Variants in AIG1 observed in about 807,000 individuals in gnomAD.
AIG1 encodes androgen induced 1.
In AIG1, 23 loss-of-function variants were observed where a neutral mutation model predicts 31.4. That is an observed-to-expected ratio of 0.73 (90% CI 0.53 to 1.04). The LOEUF (loss-of-function observed/expected upper bound fraction) is 1.04, where lower values mean the gene tolerates loss of function less well. Ranked by LOEUF, AIG1 falls within the 50% of genes least tolerant of loss-of-function variation. The probability of loss-of-function intolerance (pLI) is 0.00; values close to 1 mark genes in which losing one functional copy is unlikely to be tolerated. For synonymous variants in AIG1, 100 were observed against 110.5 expected, an observed-to-expected ratio of 0.90 and a Z score of 0.60; for missense variants, 274 against 295.0, an observed-to-expected ratio of 0.93 and a Z score of 0.52.
intron 1 of AIG1, among the ~76,000 whole-genome samples, chr6:143,115,237 A>G (rs1017871941): frequency 2.0e-5 from 3 of 152,234 alleles, no homozygotes; most frequent in Non-Finnish European, 2.9e-5. Flanking sequence ...GTCAAAATGT[A>G]TACATATTTT....
At chr6:143,141,635 A>C (rs941158732) in intron 2 of AIG1, among the ~76,000 whole-genome samples, 1 of 152,188 alleles carries the variant, frequency 6.6e-6, no homozygotes, top group Non-Finnish European at 1.5e-5. Context: ...CACCACTCCC[A>C]AAGCCTTGCA....
chr6:143,204,016 G>A (rs942036084), intron 3 of AIG1, among the ~76,000 whole-genome samples: 3 of 152,096 alleles, frequency 2.0e-5, no homozygotes, highest in Non-Finnish European at 4.4e-5. Context: ...GTGGGACTGA[G>A]GGAAAATTTT....
chr6:143,190,591 C>CA (rs1241964529), intron 3 of AIG1: 2 of 985,158 alleles, frequency 2.0e-6, no homozygotes, highest in Non-Finnish European at 2.4e-6. Flanking sequence ...CATTTTCTTA[C>CA]AAAAAACTTC....
chr6:143,060,023 C>A (rs182725891), upstream of AIG1, among the ~76,000 whole-genome samples: 52 of 152,326 alleles, frequency 3.4e-4, no homozygotes, highest in Admixed American at 2.1e-3. Flanking sequence ...TATTAAATTA[C>A]ACGCAGGGGT....
In AIG1 at chr6:143,293,222, C is replaced by T. The variant is rs11752486; in HGVS notation, c.515+8997C>T. Reference sequence around the variant, plus strand: ...TTTCTCTCTCTCTCTTCCCCGCCACCCTTATTTTATTTTCATTTTATCCTC... The same window carrying T: ...TTTCTCTCTCTCTCTTCCCCGCCACTCTTATTTTATTTTCATTTTATCCTC... On this transcript the variant is annotated intron_variant, in intron 4 of 5. Transcript: ENST00000357847. This position sits in a 1 kb window ranked among gnomAD's most constrained non-coding sequence, Gnocchi z 4.8. 0.13 allele frequency among the ~76,000 whole-genome samples: 20,290 copies of T among 152,020 alleles called. 1,582 individuals are homozygous for T. Among genetic ancestry groups the T allele is most frequent in the East Asian group, 0.36 (1,847 of 5,154 alleles).
intron 3 of AIG1, among the ~76,000 whole-genome samples, chr6:143,213,298 A>G (rs535987917): frequency 6.6e-6 from 1 of 152,278 alleles, no homozygotes; most frequent in South Asian, 2.1e-4. Context: ...ATAAAGATAA[A>G]TAAATATCCT....
chr6:143,126,985 A>G (rs1782738623), intron 1 of AIG1, among the ~76,000 whole-genome samples: 1 of 152,124 alleles, frequency 6.6e-6, no homozygotes, highest in African/African-American at 2.4e-5. Flanking sequence ...AGTCCCAAGT[A>G]GGGGAGAAGA....
intron 3 of AIG1, among the ~76,000 whole-genome samples, chr6:143,230,025 A>G (rs983102295): frequency 6.6e-6 from 1 of 152,142 alleles, no homozygotes; most frequent in African/African-American, 2.4e-5. Context: ...ACTAGCGCTA[A>G]TATCTCATCT....
At chr6:143,063,817 ATC>A (rs976709014) in intron 1 of AIG1, among the ~76,000 whole-genome samples, 5 of 152,190 alleles carry the variant, frequency 3.3e-5, no homozygotes, top group African/African-American at 9.7e-5. Context: ...TGAGTCAGGA[ATC>A]TCAGGCTCTA....
intron 4 of AIG1, among the ~76,000 whole-genome samples, chr6:143,307,416 C>A (rs953154689): frequency 9.2e-5 from 14 of 152,220 alleles, no homozygotes; most frequent in Non-Finnish European, 1.6e-4. Flanking sequence ...TTCCTTCTAA[C>A]AGACAGGACC....
chr6:143,333,239 A>AGC lies in AIG1; in HGVS notation c.516-43_516-42insGC. 1 of 1,552,060 alleles carries AGC rather than the reference A, an allele frequency of 6.4e-7. No individual in the cohort carries two copies. The highest frequency in any genetic ancestry group is 8.7e-7 in the Non-Finnish European group (1 of 1,149,340). On this transcript the variant is annotated intron_variant, in intron 4 of 5. Coordinates refer to ENST00000357847, the MANE Select transcript of AIG1 (RefSeq NM_016108.4). The surrounding 1 kb of genome is among the most constrained non-coding windows in gnomAD (Gnocchi z 4.6). ...TCATAGCAGCTTTGATGCCTGCCAT[A>AGC]AGAGTGACTCCTGTCCTTGTCTCCT...
intron 3 of AIG1, among the ~76,000 whole-genome samples, chr6:143,229,377 C>G (rs1047513480): frequency 3.3e-5 from 5 of 152,192 alleles, no homozygotes; most frequent in Non-Finnish European, 7.4e-5. Flanking sequence ...GGAATCCCAG[C>G]AAAGCATTCC....
At chr6:143,324,872 T>TA (rs1369919963) in intron 4 of AIG1, among the ~76,000 whole-genome samples, 5 of 152,214 alleles carry the variant, frequency 3.3e-5, no homozygotes, top group Admixed American at 1.3e-4. Context: ...TAAAGGATGA[T>TA]ATATCGACCT....
intron 3 of AIG1, among the ~76,000 whole-genome samples, chr6:143,238,109 T>C (rs1263172133): frequency 1.3e-5 from 2 of 152,026 alleles, no homozygotes; most frequent in East Asian, 3.9e-4. Context: ...CCTGGCTAAT[T>C]TTTGTATTTT....
intron 1 of AIG1, among the ~76,000 whole-genome samples, chr6:143,098,475 TC>T (rs1191522049): frequency 1.3e-5 from 2 of 152,186 alleles, no homozygotes; most frequent in African/African-American, 4.8e-5. Context: ...AATGTTGAAT[TC>T]CTGAGAAATC....
At chr6:143,123,271 A>G (rs1170732451) in intron 1 of AIG1, among the ~76,000 whole-genome samples, 1 of 152,186 alleles carries the variant, frequency 6.6e-6, no homozygotes, top group African/African-American at 2.4e-5. Flanking sequence ...TTGAAATAAA[A>G]ACTCTACCCA....
At chr6:143,086,034 T>G (rs1321822097) in intron 1 of AIG1, among the ~76,000 whole-genome samples, 2 of 152,270 alleles carry the variant, frequency 1.3e-5, no homozygotes, top group Non-Finnish European at 2.9e-5. Flanking sequence ...AGAATAGTTC[T>G]GAACTGGTGA....
intron 3 of AIG1, among the ~76,000 whole-genome samples, chr6:143,202,113 T>A (rs1176209956): frequency 6.6e-6 from 1 of 152,166 alleles, no homozygotes; most frequent in African/African-American, 2.4e-5. Context: ...TCTTATATCG[T>A]GTTGCCGAGA....
chr6:143,085,941 T>A (rs1778736746), intron 1 of AIG1, among the ~76,000 whole-genome samples: 1 of 152,266 alleles, frequency 6.6e-6, no homozygotes, highest in Admixed American at 6.5e-5. Flanking sequence ...CAGTGATTAA[T>A]GTTAAATCAA....
Sources: gnomAD v4.1 joint callset for allele counts (sites outside exome capture counted in the v4.1 genomes callset) on GRCh38, gnomAD v4.1.1 for gene constraint, Gnocchi (gnomAD v3.1) non-coding constraint, MANE v1.5 for transcripts, NCBI Gene and HGNC (gene_info 2026-07-23, HGNC 2026-07-21) for gene names.